FBXO17: variants seen among roughly 807,000 people sequenced by gnomAD.
FBXO17 encodes F-box protein 17.
A neutral mutation model predicts 34.1 loss-of-function variants in FBXO17; 43 were observed. The observed-to-expected ratio is 1.26, with a 90% CI of 0.99 to 1.62. The LOEUF (loss-of-function observed/expected upper bound fraction) is 1.62. Among genes scored for constraint, FBXO17 ranks in the 40% most tolerant of loss-of-function variants. FBXO17 has a pLI of 0.00. For synonymous variants in FBXO17, 169 were observed against 166.0 expected (o/e 1.02, Z -0.14); for missense variants, 424 against 386.7 (o/e 1.10, Z -0.81).
chr19:38,945,151 C>A, intron 4 of FBXO17, 47 bp from the exon 5 acceptor site: 5 of 1,608,898 alleles, frequency 3.1e-6, no homozygotes, highest in South Asian at 1.1e-5. Flanking sequence ...CCAGCCAGCT[C>A]TCTGGGTTTC....
chr19:38,944,002 T>C (rs1186846247), intron 5 of FBXO17, among the ~76,000 whole-genome samples: 3 of 152,344 alleles, frequency 2.0e-5, no homozygotes, highest in Non-Finnish European at 2.9e-5. Flanking sequence ...TCTGCATCCA[T>C]GAGCTGTCAT....
intron 1 of FBXO17, among the ~76,000 whole-genome samples, chr19:38,959,127 G>T (rs559219830): frequency 6.6e-6 from 1 of 151,492 alleles, no homozygotes; most frequent in African/African-American, 2.4e-5. Context: ...TGCCCAGGCT[G>T]GTCTCTTCCT....
rs144804068 is a variant in FBXO17, at chr19:38,970,157, A to G, written c.-18+5429T>C. Among the ~76,000 whole-genome samples, 830 of 152,064 alleles carry G rather than the reference A, an allele frequency of 5.5e-3. 4 individuals carry two copies. Among genetic ancestry groups the G allele is most frequent in the Non-Finnish European group, 8.3e-3 (562 of 67,994 alleles). Reference sequence around the variant, plus strand: ...TTATAAATAATACAAATACAAAATAAGGAATAAGCCACAAGTACCCAGAAC... The same window carrying G: ...TTATAAATAATACAAATACAAAATAGGGAATAAGCCACAAGTACCCAGAAC... On this transcript the variant is annotated intron_variant, in intron 1 of 5. Coordinates refer to ENST00000292852, the MANE Select transcript of FBXO17 (RefSeq NM_024907.7).
intron 1 of FBXO17, among the ~76,000 whole-genome samples, chr19:38,974,991 C>T (rs2144850667): frequency 6.6e-6 from 1 of 152,102 alleles, no homozygotes; most frequent in East Asian, 1.9e-4. Flanking sequence ...AGTAAATAGA[C>T]GCTGTCTAAA....
At chr19:38,974,186 A>G (rs894423326) in intron 1 of FBXO17, among the ~76,000 whole-genome samples, 1 of 150,752 alleles carries the variant, frequency 6.6e-6, no homozygotes, top group Non-Finnish European at 1.5e-5. Flanking sequence ...GGTTCAAGCG[A>G]TTCTCCTTCC....
At chr19:38,956,830 A>C (rs1303689003) in intron 1 of FBXO17, among the ~76,000 whole-genome samples, 1 of 152,204 alleles carries the variant, frequency 6.6e-6, no homozygotes, top group African/African-American at 2.4e-5. Flanking sequence ...CAGTGAGCCA[A>C]GATCATGCCA....
intron 1 of FBXO17, among the ~76,000 whole-genome samples, chr19:38,956,389 A>G (rs567395799): frequency 6.6e-6 from 1 of 152,242 alleles, no homozygotes; most frequent in African/African-American, 2.4e-5. Flanking sequence ...AATAGCTGAC[A>G]TGAATTGAGC....
intron 1 of FBXO17, chr19:38,952,658 G>C (rs1975102928): frequency 7.5e-6 from 4 of 533,286 alleles, no homozygotes; most frequent in Non-Finnish European, 1.5e-5. Context: ...CGCTCCCGCT[G>C]CTCTTAGCAT....
chr19:38,962,043 TACG>T (rs1975257701), intron 1 of FBXO17, among the ~76,000 whole-genome samples: 1 of 145,110 alleles, frequency 6.9e-6, no homozygotes, highest in African/African-American at 2.6e-5. Context: ...GCTATCAACC[TACG>T]ACCTCATTGT....
chr19:38,966,459 G>C (rs761972246), intron 1 of FBXO17, among the ~76,000 whole-genome samples: 1 of 151,952 alleles, frequency 6.6e-6, no homozygotes, highest in Admixed American at 6.6e-5. Flanking sequence ...AATTATTTCT[G>C]AACAAGGGAC....
At chr19:38,957,370 G>A (rs867002497) in intron 1 of FBXO17, among the ~76,000 whole-genome samples, 2 of 151,830 alleles carry the variant, frequency 1.3e-5, no homozygotes, top group Non-Finnish European at 2.9e-5. Flanking sequence ...TTTTTGAGAC[G>A]GAGTCTCACT....
rs750419287 is a variant in FBXO17, at chr19:38,949,980, A to C, written c.340T>G (p.Cys114Gly). The change falls in exon 2 of 6, where the codon TGC becomes GGC. Residue 114 changes from cysteine (C) to glycine (G), a missense_variant. Transcript: ENST00000292852. ...PFGRNLIFNSCGEQGFRGWEV... is the reference protein window; with the variant it reads ...PFGRNLIFNSGGEQGFRGWEV... ...CGCCCCCGTCACCCACGCTCTCCGC[A>C]GGAGTTGAAGATGAGATTGCGGCCG... 3.9e-6 allele frequency: 6 copies of C among 1,534,532 alleles called. No homozygotes were observed. The highest frequency in any genetic ancestry group is 5.3e-6 in the Non-Finnish European group (6 of 1,140,384).
chr19:38,974,031 TAC>T (rs1555753497), intron 1 of FBXO17, among the ~76,000 whole-genome samples: 2 of 122,954 alleles, frequency 1.6e-5, no homozygotes, highest in African/African-American at 5.6e-5. Context: ...TATATATATA[TAC>T]ATATATATAT....
chr19:38,950,218 C>A lies in FBXO17; in HGVS notation c.102G>T (p.Pro34=), dbSNP rs1242561120. The A allele has an allele frequency of 1.9e-6, 3 of 1,545,372 alleles. No homozygotes were observed. Among genetic ancestry groups the A allele is most frequent in the Non-Finnish European group, 2.6e-6 (3 of 1,153,108 alleles). The change falls in exon 2 of 6, where the codon CCG becomes CCT. Residue 34 remains proline (P), a synonymous_variant. Transcript: ENST00000292852. ...ELLVQVLSHV[P]PRSLVTRCRP... Reference sequence around the variant, plus strand: ...GGCATCGCGTGACCAAGGAGCGTGGCGGCACGTGGCTCAGCACCTGCACCA... The same window carrying A: ...GGCATCGCGTGACCAAGGAGCGTGGAGGCACGTGGCTCAGCACCTGCACCA...
intron 1 of FBXO17, among the ~76,000 whole-genome samples, chr19:38,962,310 A>AG (rs1975263458): frequency 6.6e-6 from 1 of 152,102 alleles, no homozygotes; most frequent in South Asian, 2.1e-4. Flanking sequence ...GAGACGTTGT[A>AG]GGAGGAAAGG....
chr19:38,964,496 T>G (rs1975294622), intron 1 of FBXO17, among the ~76,000 whole-genome samples: 1 of 152,046 alleles, frequency 6.6e-6, no homozygotes, highest in African/African-American at 2.4e-5. Flanking sequence ...TAGCCAGGCA[T>G]GGTGGCTTAT....
At position 38,975,674 on chromosome 19, in the gene FBXO17, G is replaced by A. The variant is rs1975452706; in HGVS notation, c.-106C>T. ...GGCAGTCGAGGGGCTCCCCGTGATCGGCGTGGCCCAGGGGGCCCCGGGACC... is the reference window on the plus strand; with the variant it reads ...GGCAGTCGAGGGGCTCCCCGTGATCAGCGTGGCCCAGGGGGCCCCGGGACC... On this transcript the variant is annotated 5_prime_UTR_variant, in exon 1 of 6. Coordinates refer to ENST00000292852, the MANE Select transcript of FBXO17 (RefSeq NM_024907.7). This position sits in a 1 kb window ranked among gnomAD's most constrained non-coding sequence, Gnocchi z 4.9. 6.6e-6 allele frequency: 1 copy of A among 152,098 alleles called. No individual in the cohort carries two copies. Among genetic ancestry groups the A allele is most frequent in the African/African-American group, 2.4e-5 (1 of 41,424 alleles). The allele number at this position is 152,098 out of a possible 1,614,324, so 9.4% of individuals were successfully genotyped here. A position where few individuals can be genotyped will look rare whatever the true frequency, so the allele number is the denominator to read the frequency against.
intron 1 of FBXO17, among the ~76,000 whole-genome samples, chr19:38,968,486 TAA>T (rs568737351): frequency 3.9e-5 from 5 of 128,664 alleles, no homozygotes; most frequent in Non-Finnish European, 3.3e-5. Flanking sequence ...AGCCTGTCTC[TAA>T]AAAAAAAAAA....
At chr19:38,968,881 T>G (rs1425419543) in intron 1 of FBXO17, among the ~76,000 whole-genome samples, 2 of 152,164 alleles carry the variant, frequency 1.3e-5, no homozygotes, top group African/African-American at 4.8e-5. Context: ...GTAGTTGCCT[T>G]GGGCTAGGCT....
Sources: allele counts gnomAD v4.1 joint callset (sites outside exome capture counted in the v4.1 genomes callset), GRCh38; gene constraint gnomAD v4.1.1; non-coding constraint Gnocchi (gnomAD v3.1); transcripts MANE v1.5; gene names NCBI Gene and HGNC (gene_info 2026-07-23, HGNC 2026-07-21).